Variants in ARHGEF12 observed in about 807,000 individuals in gnomAD.
ARHGEF12 encodes the protein Rho guanine nucleotide exchange factor 12.
A neutral mutation model predicts 211.2 loss-of-function variants in ARHGEF12; 66 were observed. That is an observed-to-expected ratio of 0.31 (90% CI 0.26 to 0.38). The LOEUF is 0.38. ARHGEF12 is among the 10% of genes least tolerant of loss of function. The pLI, the probability that ARHGEF12 is intolerant of heterozygous loss-of-function variation, is 1.00. For missense variants in ARHGEF12, 1,429 were observed against 1,869.5 expected (o/e 0.76, Z 4.34); for synonymous variants, 592 against 638.4 (o/e 0.93, Z 1.09).
At chr11:120,465,510 A>T in intron 28 of ARHGEF12, 148 bp downstream of exon 28, 1 of 1,019,958 alleles carries the variant, frequency 9.8e-7, no homozygotes, top group East Asian at 2.7e-5. Flanking sequence ...TGTGTTGCCC[A>T]GGCTGGAGTG....
chr11:120,480,105 G>T lies in ARHGEF12; in HGVS notation c.3912G>T (p.Lys1304Asn). The change falls in exon 38 of 41, where the codon AAG becomes AAT. Residue 1304 changes from lysine (K) to asparagine (N), a missense_variant. This residue lies in a region of ARHGEF12 where 467 missense variants were observed against 468.4 expected (regional missense o/e 1.00). Transcript: ENST00000397843. The stretch of plus-strand genomic sequence containing the variant: ...TCATCCAGAACTCTGAAAATATTAA[G>T]GCCTATCATTCTGGTGAAGGACATA... ...DSVIQNSENI[K>N]AYHSGEGHMP... is the part of the protein sequence containing the mutation. 1 of 1,614,156 alleles carries T rather than the reference G, an allele frequency of 6.2e-7. No homozygotes were observed. The highest frequency in any genetic ancestry group is 8.5e-7 in the Non-Finnish European group (1 of 1,180,022).
Position 120,476,704 on chromosome 11 carries a change from T to C in ARHGEF12, c.3321T>C (p.Ala1107=). The C allele has an allele frequency of 6.2e-7, 1 of 1,613,338 alleles. No individual in the cohort carries two copies. The highest frequency in any genetic ancestry group is 2.2e-5 in the East Asian group (1 of 44,844). Residue 1107 remains alanine (A), a synonymous_variant, in exon 34 of 41, where the codon GCT becomes GCC. Transcript: ENST00000397843. ...TCATTTCCATGTCAGACAATGGCGC[T>C]CAGATTTATGAACTGGTGGCACAGA... The part of the protein sequence containing the change: ...LFVISMSDNG[A]QIYELVAQTV...
chr11:120,348,599 T>G (rs1033494579), intron 1 of ARHGEF12, among the ~76,000 whole-genome samples: 2 of 152,140 alleles, frequency 1.3e-5, no homozygotes, highest in African/African-American at 4.8e-5. Context: ...CCCAGCACTT[T>G]GGGAAGTCGA....
At chr11:120,391,407 AT>A (rs922787070) in intron 1 of ARHGEF12, among the ~76,000 whole-genome samples, 3 of 152,130 alleles carry the variant, frequency 2.0e-5, no homozygotes, top group Non-Finnish European at 4.4e-5. Flanking sequence ...CCAGGGTAGA[AT>A]TTTTTCCAGG....
At position 120,420,921 on chromosome 11, in the gene ARHGEF12, A is replaced by G. The variant is rs1244325103; in HGVS notation, c.298+70A>G. 20 of 1,277,286 alleles carry G rather than the reference A, an allele frequency of 1.6e-5. No homozygotes were observed. The East Asian group carries it at 4.5e-4, about 29-fold the overall frequency. 79.1% of individuals were successfully genotyped at this position (1,277,286 alleles called of 1,614,324 possible). Reference sequence around the variant, plus strand: ...AGAATAGAAAAGCTTAAATAATGGCAATTGCCAAGAATAGAATAATTACAT... The same window carrying G: ...AGAATAGAAAAGCTTAAATAATGGCGATTGCCAAGAATAGAATAATTACAT... On this transcript the variant is annotated intron_variant, in intron 5 of 40. Transcript: ENST00000397843.
chr11:120,340,607 TAAAAA>T (rs547585881), intron 1 of ARHGEF12, among the ~76,000 whole-genome samples: 5 of 148,468 alleles, frequency 3.4e-5, no homozygotes, highest in Non-Finnish European at 6.0e-5. Flanking sequence ...TGGTTTTGAT[TAAAAA>T]AAAAAGAGCT....
chr11:120,427,623 G>A (rs1009253697), intron 7 of ARHGEF12, among the ~76,000 whole-genome samples: 1 of 150,812 alleles, frequency 6.6e-6, no homozygotes, highest in Non-Finnish European at 1.5e-5. Flanking sequence ...AGTGAGCTGA[G>A]ATCGTGCCGC....
chr11:120,346,684 G>A (rs1044408865), intron 1 of ARHGEF12, among the ~76,000 whole-genome samples: 3 of 152,170 alleles, frequency 2.0e-5, no homozygotes, highest in African/African-American at 7.2e-5. Context: ...TGGGTTATTT[G>A]GAGTCTATGA....
intron 16 of ARHGEF12, among the ~76,000 whole-genome samples, 153 bp from the exon 17 acceptor site, chr11:120,446,250 A>G (rs183404965): frequency 6.6e-6 from 1 of 150,938 alleles, no homozygotes; most frequent in Admixed American, 6.6e-5. Flanking sequence ...AGTAAATGAA[A>G]TCAGAATTCT....
At chr11:120,450,855 T>G in intron 21 of ARHGEF12, 1 of 152,454 alleles carries the variant, frequency 6.6e-6, no homozygotes, top group East Asian at 1.9e-4. Flanking sequence ...CACAGCTCCA[T>G]GTCTCTCAGC....
rs182488036 is a variant in ARHGEF12 at position 120,454,404 on chromosome 11, T to G, written c.2056+2680T>G. The stretch of plus-strand genomic sequence containing the variant: ...AATTAGGTAGTATACTTGGGGACAT[T>G]AAAGAAGTTATTATCTCTATAAAGC... On this transcript the variant is annotated intron_variant, in intron 22 of 40. Transcript: ENST00000397843. 3.4e-3 allele frequency among the ~76,000 whole-genome samples: 525 copies of G among 152,304 alleles called. 3 individuals are homozygous for G. The highest frequency in any genetic ancestry group is 0.011 in the African/African-American group (464 of 41,562).
chr11:120,424,438 TTTAA>T, intron 7 of ARHGEF12, 23 bp downstream of exon 7: 1 of 1,608,038 alleles, frequency 6.2e-7, no homozygotes, highest in Non-Finnish European at 8.5e-7. Flanking sequence ...TATTCTTAGT[TTTAA>T]TTGTTTTCTG....
chr11:120,489,559 C>G lies in ARHGEF12; in HGVS notation c.*4482C>G, dbSNP rs1947482238. On this transcript the variant is annotated 3_prime_UTR_variant, in exon 41 of 41. Coordinates refer to ENST00000397843, the MANE Select transcript of ARHGEF12 (RefSeq NM_015313.3). The stretch of plus-strand genomic sequence containing the variant: ...ACCAACAGCATTTTAGCTCAGAAGG[C>G]TCGCTTACTTTGGGCATTTGCTGTA... 4.6e-6 allele frequency: 1 copy of G among 219,256 alleles called. No individual in the cohort carries two copies. The highest frequency in any genetic ancestry group is 9.1e-6 in the Non-Finnish European group (1 of 109,332). The allele number at this position is 219,256 out of a possible 1,614,324, so 13.6% of individuals were successfully genotyped here. A position where few individuals can be genotyped will look rare whatever the true frequency, so the allele number is the denominator to read the frequency against.
intron 1 of ARHGEF12, among the ~76,000 whole-genome samples, chr11:120,353,526 G>A (rs543251006): frequency 8.4e-4 from 128 of 152,248 alleles, no homozygotes; most frequent in Non-Finnish European, 1.6e-3. Context: ...TCCCTTCCTG[G>A]AATACAAGTC....
chr11:120,366,407 C>T (rs989956037), intron 1 of ARHGEF12, among the ~76,000 whole-genome samples: 1 of 152,136 alleles, frequency 6.6e-6, no homozygotes, highest in African/African-American at 2.4e-5. Flanking sequence ...GTCCTCCCAC[C>T]TTGGGCTCCC....
At chr11:120,438,301 T>A (rs183079504) in intron 12 of ARHGEF12, 306 of 152,254 alleles carry the variant, frequency 2.0e-3, no homozygotes, top group African/African-American at 6.7e-3. Context: ...TTCTTTTTTT[T>A]AATTTTTTAA....
chr11:120,343,649 G>A (rs1305087928), intron 1 of ARHGEF12, among the ~76,000 whole-genome samples: 1 of 152,206 alleles, frequency 6.6e-6, no homozygotes, highest in African/African-American at 2.4e-5. Flanking sequence ...GGCCTGGGTG[G>A]CTTCTCAGTG....
intron 11 of ARHGEF12, among the ~76,000 whole-genome samples, chr11:120,434,882 ACCTAG>A (rs1257360988): frequency 6.6e-6 from 1 of 152,202 alleles, no homozygotes; most frequent in Non-Finnish European, 1.5e-5. Flanking sequence ...GTCCCTGAGA[ACCTAG>A]TCTCAGCAGT....
intron 1 of ARHGEF12, among the ~76,000 whole-genome samples, chr11:120,389,339 C>T (rs1447922985): frequency 1.3e-5 from 2 of 152,022 alleles, no homozygotes; most frequent in Non-Finnish European, 2.9e-5. Context: ...TTTTTTCTTT[C>T]GTAGATTGTG....
Sources: allele counts gnomAD v4.1 joint callset (sites outside exome capture counted in the v4.1 genomes callset), GRCh38; gene constraint gnomAD v4.1.1; regional missense constraint gnomAD v4.1.1; transcripts MANE v1.5; gene names NCBI Gene and HGNC (gene_info 2026-07-23, HGNC 2026-07-21).